TSHZ3: variants seen among roughly 807,000 people sequenced by gnomAD.
TSHZ3 encodes the protein teashirt homolog 3.
TSHZ3 carries 10 observed loss-of-function variants against 64.5 expected under a neutral mutation model. The ratio of observed to expected loss-of-function variants is 0.16; its 90% CI spans 0.10 to 0.26. TSHZ3 has a LOEUF of 0.26. Ranked by LOEUF, TSHZ3 falls within the 10% of genes least tolerant of loss-of-function variation. The pLI is 1.00. For missense variants in TSHZ3, 1,242 were observed against 1,421.7 expected (o/e 0.87, Z 2.03); for synonymous variants, 608 against 593.1 (o/e 1.03, Z -0.36).
intron 4 of TSHZ3, among the ~76,000 whole-genome samples, chr19:31,226,279 T>C (rs975364482): frequency 2.0e-5 from 3 of 152,180 alleles, no homozygotes; most frequent in African/African-American, 4.8e-5. Flanking sequence ...TCATCTTGAA[T>C]TGTAGCTCCT....
At chr19:31,282,215 T>A (rs568989986) in intron 1 of TSHZ3, among the ~76,000 whole-genome samples, 1 of 152,184 alleles carries the variant, frequency 6.6e-6, no homozygotes, top group South Asian at 2.1e-4. Flanking sequence ...TCCCTCCCAC[T>A]GAGACTCAAG....
intron 5 of TSHZ3, among the ~76,000 whole-genome samples, chr19:31,158,660 T>G (rs1436689596): frequency 2.6e-5 from 4 of 152,196 alleles, no homozygotes; most frequent in Non-Finnish European, 4.4e-5. Context: ...ATTGTAATCA[T>G]ATAATGAAAT....
Position 31,278,896 on chromosome 19 carries a change from G to A in TSHZ3, c.897C>T (p.His299=). Residue 299 remains histidine (H), a synonymous_variant, in exon 2 of 2, where the codon CAC becomes CAT. Transcript: ENST00000240587. The surrounding 1 kb of genome is among the most constrained non-coding windows in gnomAD (Gnocchi z 4.7). The part of the protein sequence containing the change: ...DLSVHMIKTK[H]YQKVPLKEPV... ...GTTCCTTCAGAGGCACTTTTTGGTA[G>A]TGTTTTGTTTTGATCATATGGACAC... is the stretch of plus-strand genomic sequence containing the variant. 1 of 1,614,100 alleles carries A rather than the reference G, an allele frequency of 6.2e-7. No homozygotes were observed. The highest frequency in any genetic ancestry group is 1.3e-5 in the African/African-American group (1 of 75,016).
chr19:31,298,608 T>A (rs1412626199), intron 1 of TSHZ3, among the ~76,000 whole-genome samples: 1 of 152,006 alleles, frequency 6.6e-6, no homozygotes, highest in Non-Finnish European at 1.5e-5. Flanking sequence ...TCCTGGCCCA[T>A]TTTGTGGGGC....
chr19:31,272,047 G>GA (rs879453996), downstream of TSHZ3, among the ~76,000 whole-genome samples: 32 of 151,790 alleles, frequency 2.1e-4, no homozygotes, highest in Admixed American at 6.6e-4. Flanking sequence ...ATGAATTTGA[G>GA]AAAAAAAATC....
chr19:31,208,211 G>A (rs967595298), intron 4 of TSHZ3, among the ~76,000 whole-genome samples: 2 of 152,252 alleles, frequency 1.3e-5, no homozygotes, highest in Non-Finnish European at 2.9e-5. Context: ...GGATATCAAA[G>A]CAAAAGCTGA....
At chr19:31,248,014 G>A (rs1365328962) in intron 1 of TSHZ3, among the ~76,000 whole-genome samples, 1 of 152,142 alleles carries the variant, frequency 6.6e-6, no homozygotes, top group Non-Finnish European at 1.5e-5. Context: ...GAAGGTGAAA[G>A]CTACGTCTAA....
At chr19:31,206,277 G>C (rs938006017) in intron 4 of TSHZ3, among the ~76,000 whole-genome samples, 1 of 151,182 alleles carries the variant, frequency 6.6e-6, no homozygotes, top group African/African-American at 2.4e-5. Context: ...GGATGGATAC[G>C]TAGATGGATG....
chr19:31,349,940 G>T (rs1254734075), upstream of TSHZ3, among the ~76,000 whole-genome samples: 24 of 76,290 alleles, frequency 3.1e-4, no homozygotes, highest in Non-Finnish European at 6.3e-4. Context: ...TGGGACCCCC[G>T]CCCCGCCAGC....
chr19:31,190,875 AT>A (rs200687840), intron 5 of TSHZ3, among the ~76,000 whole-genome samples: 2,203 of 119,886 alleles, frequency 0.018, 42 homozygotes, highest in African/African-American at 0.064. Flanking sequence ...TTTAAAAAAA[AT>A]AAATAAAAAT....
At chr19:31,261,648 C>A (rs1010145182) in intron 1 of TSHZ3, among the ~76,000 whole-genome samples, 1 of 152,148 alleles carries the variant, frequency 6.6e-6, no homozygotes, top group African/African-American at 2.4e-5. Flanking sequence ...TCACTCTGAC[C>A]GTTGCCAAAA....
At chr19:31,237,462 C>T (rs1487716946) in intron 3 of TSHZ3, among the ~76,000 whole-genome samples, 1 of 151,998 alleles carries the variant, frequency 6.6e-6, no homozygotes, top group Admixed American at 6.6e-5. Flanking sequence ...TCCCCACTTG[C>T]ACCTCTAATA....
chr19:31,203,371 G>A (rs559907155), intron 5 of TSHZ3, among the ~76,000 whole-genome samples: 3 of 152,226 alleles, frequency 2.0e-5, no homozygotes, highest in African/African-American at 7.2e-5. Flanking sequence ...GGGTGGATAT[G>A]GACTTTTTCC....
chr19:31,343,628 T>G (rs1224521660), intron 1 of TSHZ3, among the ~76,000 whole-genome samples: 5 of 152,178 alleles, frequency 3.3e-5, no homozygotes, highest in Non-Finnish European at 2.9e-5. Flanking sequence ...ACTGTCTTTT[T>G]TTTTTTACTT....
chr19:31,183,787 A>C (rs1974762443), intron 5 of TSHZ3, among the ~76,000 whole-genome samples: 1 of 152,120 alleles, frequency 6.6e-6, no homozygotes, highest in Non-Finnish European at 1.5e-5. Context: ...ATCCCCCAAA[A>C]GGAAGAGGTG....
intron 1 of TSHZ3, among the ~76,000 whole-genome samples, chr19:31,286,697 G>A (rs1976470121): frequency 6.6e-6 from 1 of 152,218 alleles, no homozygotes; most frequent in Non-Finnish European, 1.5e-5. Flanking sequence ...AAGTGTGGGA[G>A]GGAGCGCCCT....
downstream of TSHZ3, among the ~76,000 whole-genome samples, chr19:31,270,259 CACTT>C (rs1976116990): frequency 6.6e-6 from 1 of 152,216 alleles, no homozygotes; most frequent in African/African-American, 2.4e-5. Context: ...ACTGGAAACA[CACTT>C]ACATCACTGA....
At chr19:31,320,416 A>G (rs567597689) in intron 1 of TSHZ3, among the ~76,000 whole-genome samples, 68 of 152,332 alleles carry the variant, frequency 4.5e-4, no homozygotes, top group African/African-American at 1.6e-3. Context: ...CTGCTCTAAA[A>G]TATTCCATTG....
chr19:31,193,078 C>T (rs938293871), intron 5 of TSHZ3, among the ~76,000 whole-genome samples: 5 of 152,110 alleles, frequency 3.3e-5, no homozygotes, highest in Non-Finnish European at 7.4e-5. Context: ...CACAGGGAGG[C>T]CTCATGTTGC....
Sources: gnomAD v4.1 joint callset for allele counts (sites outside exome capture counted in the v4.1 genomes callset) on GRCh38, gnomAD v4.1.1 for gene constraint, Gnocchi (gnomAD v3.1) non-coding constraint, MANE v1.5 for transcripts, NCBI Gene and HGNC (gene_info 2026-07-23, HGNC 2026-07-21) for gene names.